Variants in ITPR1 observed in about 807,000 individuals in gnomAD.
ITPR1 encodes inositol 1,4,5-trisphosphate receptor type 1, also known as inositol 1,4,5-trisphosphate-gated calcium channel ITPR1.
A neutral mutation model predicts 318.4 loss-of-function variants in ITPR1; 96 were observed. That is an observed-to-expected ratio of 0.30 (90% CI 0.26 to 0.36). The LOEUF (loss-of-function observed/expected upper bound fraction) is 0.36. Among genes scored for constraint, ITPR1 ranks in the 10% least tolerant of loss-of-function variants. The probability of loss-of-function intolerance (pLI) is 1.00; values close to 1 mark genes in which losing one functional copy is unlikely to be tolerated. For synonymous variants in ITPR1, 1,312 were observed against 1,289.9 expected (o/e 1.02, Z -0.37); for missense variants, 2,440 against 3,460.2 (o/e 0.71, Z 7.40).
At chr3:4,800,886 T>G (rs1262506193) in intron 54 of ITPR1, among the ~76,000 whole-genome samples, 1 of 152,148 alleles carries the variant, frequency 6.6e-6, no homozygotes, top group Non-Finnish European at 1.5e-5. Flanking sequence ...GCTTTGAGAT[T>G]TAAGTTAGTT....
At position 4,710,409 on chromosome 3, in the gene ITPR1, G is replaced by A. The variant is rs1236944087; in HGVS notation, c.4927G>A (p.Glu1643Lys). 3 of 1,557,826 alleles carry A rather than the reference G, an allele frequency of 1.9e-6. No individual in the cohort carries two copies. The highest frequency in any genetic ancestry group is 2.6e-6 in the Non-Finnish European group (3 of 1,150,080). Residue 1643 changes from glutamate to lysine, a missense_variant, in exon 38 of 62, where the codon GAG becomes AAG. By Grantham distance (56) the Glu-to-Lys change is moderately conservative. Transcript: ENST00000649015. This position sits in a 1 kb window ranked among gnomAD's most constrained non-coding sequence, Gnocchi z 4.2. ...SVLVDVLHRP[E>K]LLFPENTDAR... ...GCTCGTGGATGTTCTCCACAGACCC[G>A]AGCTGCTTTTCCCAGAGAACACAGA...
intron 44 of ITPR1, among the ~76,000 whole-genome samples, chr3:4,743,858 G>A (rs1031991591): frequency 1.3e-5 from 2 of 152,146 alleles, no homozygotes; most frequent in Non-Finnish European, 2.9e-5. Context: ...TGTTTGAGAC[G>A]GAGTCTCACT....
intron 5 of ITPR1, among the ~76,000 whole-genome samples, chr3:4,635,663 A>G (rs954101620): frequency 1.2e-4 from 18 of 151,730 alleles, no homozygotes; most frequent in Admixed American, 4.6e-4. Flanking sequence ...CTAACTCAGT[A>G]TCTCACAGTG....
At chr3:4,807,045 G>A (rs2048598150) in intron 55 of ITPR1, among the ~76,000 whole-genome samples, 1 of 150,550 alleles carries the variant, frequency 6.6e-6, no homozygotes, top group East Asian at 2.0e-4. Flanking sequence ...AAATGATCAA[G>A]GCCTAAGGGT....
chr3:4,549,380 G>C (rs1487625297), intron 4 of ITPR1, among the ~76,000 whole-genome samples: 1 of 152,156 alleles, frequency 6.6e-6, no homozygotes, highest in Non-Finnish European at 1.5e-5. Flanking sequence ...AAGTAGGAAA[G>C]AACTTCTAAG....
chr3:4,720,573 G>C (rs1404659572), intron 40 of ITPR1, among the ~76,000 whole-genome samples: 3 of 152,164 alleles, frequency 2.0e-5, no homozygotes, highest in African/African-American at 7.2e-5. Context: ...CTGTTTCTAC[G>C]TATTTGAGAT....
chr3:4,622,662 C>G (rs2092687253), intron 4 of ITPR1, among the ~76,000 whole-genome samples: 1 of 152,198 alleles, frequency 6.6e-6, no homozygotes, highest in South Asian at 2.1e-4. Flanking sequence ...ATCCTCCTGT[C>G]TCGGCCTCCC....
rs184141044 is a variant in ITPR1 at position 4,707,539 on chromosome 3, A to C, written c.4842+1188A>C. 1.2e-3 allele frequency among the ~76,000 whole-genome samples: 176 copies of C among 152,328 alleles called. 2 individuals carry two copies. The highest frequency in any genetic ancestry group is 4.1e-3 in the African/African-American group (169 of 41,568). On this transcript the variant is annotated intron_variant, in intron 37 of 61. Transcript: ENST00000649015. Reference sequence around the variant, plus strand: ...CTAGTTTCAGAAGTCACATAGCGTCACTTTTACTGTACTCTTTTGGTCAAG... The same window carrying C: ...CTAGTTTCAGAAGTCACATAGCGTCCCTTTTACTGTACTCTTTTGGTCAAG...
At position 4,770,720 on chromosome 3, in the gene ITPR1, G is replaced by A. The variant is rs146796314; in HGVS notation, c.5979+1956G>A. Among the ~76,000 whole-genome samples, 234 of 152,296 alleles carry A rather than the reference G, an allele frequency of 1.5e-3. 1 individual carries two copies. Among genetic ancestry groups the A allele is most frequent in the Middle Eastern group, 3.4e-3 (1 of 294 alleles). ...TTGCTCAGACTTTCCTCTTTGGGGC[G>A]TTAGAACACCTCAGCCCTAGATTTT... On this transcript the variant is annotated intron_variant, in intron 46 of 61. Coordinates refer to ENST00000649015, the MANE Select transcript of ITPR1 (RefSeq NM_001378452.1).
chr3:4,766,993 A>G (rs1301912730), intron 45 of ITPR1, among the ~76,000 whole-genome samples: 1 of 152,226 alleles, frequency 6.6e-6, no homozygotes, highest in Non-Finnish European at 1.5e-5. Context: ...TTCCTATTCA[A>G]TGTTAGAGAA....
At chr3:4,693,443 C>T (rs2094510321) in intron 32 of ITPR1, 47 bp from the exon 33 acceptor site, 6 of 1,591,532 alleles carry the variant, frequency 3.8e-6, no homozygotes, top group Non-Finnish European at 4.3e-6. Flanking sequence ...TCATGCTGCC[C>T]CACCCCTGCA....
chr3:4,638,901 C>T (rs4234560), intron 5 of ITPR1, among the ~76,000 whole-genome samples: 149,710 of 152,280 alleles, frequency 0.98, 73,648 homozygotes, highest in East Asian at 1. Context: ...CAGGTACCAT[C>T]TGATCCTTAT....
intron 34 of ITPR1, among the ~76,000 whole-genome samples, chr3:4,698,796 T>C (rs980760294): frequency 2.0e-5 from 3 of 152,230 alleles, no homozygotes; most frequent in Non-Finnish European, 1.5e-5. Flanking sequence ...CATTCATTCT[T>C]TTCAGCATAA....
intron 4 of ITPR1, among the ~76,000 whole-genome samples, chr3:4,612,760 G>T (rs1015870762): frequency 1.3e-5 from 2 of 152,104 alleles, no homozygotes; most frequent in South Asian, 4.1e-4. Flanking sequence ...GGTGGTGGGG[G>T]CCTGTAATCC....
chr3:4,753,485 G>A (rs531319962), intron 44 of ITPR1, among the ~76,000 whole-genome samples: 3 of 152,250 alleles, frequency 2.0e-5, no homozygotes, highest in South Asian at 2.1e-4. Context: ...CTCTGTGGCC[G>A]TGTGGAAGTT....
chr3:4,807,223 G>A (rs1321271791), intron 55 of ITPR1, among the ~76,000 whole-genome samples: 2 of 151,784 alleles, frequency 1.3e-5, no homozygotes, highest in Non-Finnish European at 2.9e-5. Context: ...TCAGGGAGAT[G>A]CTTAGAAAAC....
At chr3:4,734,106 C>A (rs903851369) in intron 43 of ITPR1, among the ~76,000 whole-genome samples, 11 of 152,240 alleles carry the variant, frequency 7.2e-5, no homozygotes, top group Non-Finnish European at 1.6e-4. Context: ...AAACTGGAAG[C>A]ATAGCTGCCC....
chr3:4,766,272 C>T (rs1482563228), intron 44 of ITPR1, among the ~76,000 whole-genome samples: 1 of 152,232 alleles, frequency 6.6e-6, no homozygotes, highest in Non-Finnish European at 1.5e-5. Flanking sequence ...AGTCTGCCCA[C>T]CACACTCGAG....
At chr3:4,668,849 TGTTG>T (rs1263741567) in intron 18 of ITPR1, among the ~76,000 whole-genome samples, 1 of 152,240 alleles carries the variant, frequency 6.6e-6, no homozygotes, top group African/African-American at 2.4e-5. Flanking sequence ...CAAGTTCAGT[TGTTG>T]GTTGAGCGTT....
Sources: gnomAD v4.1 joint callset for allele counts (sites outside exome capture counted in the v4.1 genomes callset) on GRCh38, gnomAD v4.1.1 for gene constraint, Gnocchi (gnomAD v3.1) non-coding constraint, MANE v1.5 for transcripts, NCBI Gene and HGNC (gene_info 2026-07-23, HGNC 2026-07-21) for gene names.